The following TMEM8B variants were observed in gnomAD, a reference collection of about 807,000 sequenced individuals.
TMEM8B encodes the protein transmembrane protein 8B, also known as nasopharyngeal carcinoma expressed 6.
TMEM8B carries 29 observed loss-of-function variants against 49.3 expected under a neutral mutation model. That is an observed-to-expected ratio of 0.59 (90% CI 0.44 to 0.80). The LOEUF (loss-of-function observed/expected upper bound fraction) is 0.80. Among genes scored for constraint, TMEM8B ranks in the 30% least tolerant of loss-of-function variants. The pLI is 0.00. For synonymous variants in TMEM8B, 264 were observed against 272.8 expected, an observed-to-expected ratio of 0.97 and a Z score of 0.32; for missense variants, 575 against 658.5, an observed-to-expected ratio of 0.87 and a Z score of 1.39.
chr9:35,854,004 T>C lies in TMEM8B; in HGVS notation c.*164T>C. On this transcript the variant is annotated 3_prime_UTR_variant, in exon 13 of 13. Coordinates refer to ENST00000643932, the MANE Select transcript of TMEM8B (RefSeq NM_001042590.4). ...GGGACCTGGAGCCCTTCCCAGGACATGGAGAACTTCCTGAGGGCCTGGAGT... is the reference window on the plus strand; with the variant it reads ...GGGACCTGGAGCCCTTCCCAGGACACGGAGAACTTCCTGAGGGCCTGGAGT... 1 of 1,343,582 alleles carries C rather than the reference T, an allele frequency of 7.4e-7. No individual in the cohort carries two copies. Among genetic ancestry groups the C allele is most frequent in the South Asian group, 2.3e-5 (1 of 43,852 alleles). 83.2% of individuals were successfully genotyped at this position (1,343,582 alleles called of 1,614,324 possible). A position where few individuals can be genotyped will look rare whatever the true frequency, so the allele number is the denominator to read the frequency against.
rs1832611659 is a variant in TMEM8B at position 35,859,442 on chromosome 9, T to G, written c.*5602T>G. The stretch of plus-strand genomic sequence containing the variant: ...TGTCCCCACAGGCCAGTTTTAGCAC[T>G]GCCAAGATCTCATAGAAGTAGTTGA... On this transcript the variant is annotated 3_prime_UTR_variant, in exon 13 of 13. Transcript: ENST00000643932. 6.5e-6 allele frequency: 1 copy of G among 153,120 alleles called. No homozygotes were observed. Among genetic ancestry groups the G allele is most frequent in the African/African-American group, 2.4e-5 (1 of 41,440 alleles). 9.5% of individuals were successfully genotyped at this position (153,120 alleles called of 1,614,324 possible).
Position 35,846,716 on chromosome 9 carries a change from C to T in TMEM8B, c.1997-101C>T, listed in dbSNP as rs534995784. The T allele has an allele frequency of 1.4e-4, 214 of 1,541,170 alleles. 1 individual carries two copies. The African/African-American group carries it at 2.6e-3, about 19-fold the overall frequency. On this transcript the variant is annotated intron_variant, in intron 9 of 12. Transcript: ENST00000643932. ...GGGAGTGCGCAGCCTGAATTGGGGA[C>T]GGGTTTGGCAGAGCCGGGGTGAGAC...
Position 35,854,029 on chromosome 9 carries a change from T to TC in TMEM8B, c.*194dup. ...TGGAGAACTTCCTGAGGGCCTGGAG[T>TC]CCCCCTGCATCATGGAGTCCTTCTT... On this transcript the variant is annotated 3_prime_UTR_variant, in exon 13 of 13. Transcript: ENST00000643932. The TC allele has an allele frequency of 7.6e-7, 1 of 1,317,840 alleles. No individual in the cohort carries two copies. 81.6% of individuals were successfully genotyped at this position (1,317,840 alleles called of 1,614,324 possible).
At chr9:35,832,143 C>T (rs1402298074) in intron 1 of TMEM8B, among the ~76,000 whole-genome samples, 1 of 150,992 alleles carries the variant, frequency 6.6e-6, no homozygotes, top group African/African-American at 2.4e-5. Flanking sequence ...CAGGGCCAGC[C>T]TCAGCCTATG....
In TMEM8B at chr9:35,856,530, G is replaced by T. The variant is rs1426654765; in HGVS notation, c.*2690G>T. On this transcript the variant is annotated 3_prime_UTR_variant, in exon 13 of 13. Coordinates refer to ENST00000643932, the MANE Select transcript of TMEM8B (RefSeq NM_001042590.4). ...GCCATTGGAGAGATTAAGCAGGAGAGGAACATCAGATTGGGGTTTTGATGG... is the reference window on the plus strand; with the variant it reads ...GCCATTGGAGAGATTAAGCAGGAGATGAACATCAGATTGGGGTTTTGATGG... 6.6e-6 allele frequency: 1 copy of T among 152,266 alleles called. No homozygotes were observed. Among genetic ancestry groups the T allele is most frequent in the Non-Finnish European group, 1.5e-5 (1 of 68,090 alleles). 9.4% of individuals were successfully genotyped at this position (152,266 alleles called of 1,614,324 possible). A position where few individuals can be genotyped will look rare whatever the true frequency, so the allele number is the denominator to read the frequency against.
At chr9:35,836,164 A>G (rs1021452830) in intron 3 of TMEM8B, among the ~76,000 whole-genome samples, 2 of 152,172 alleles carry the variant, frequency 1.3e-5, no homozygotes, top group South Asian at 4.1e-4. Context: ...TGGCACTGCT[A>G]TTGTCAGAGA....
chr9:35,846,780 T>C (rs1249095704), intron 9 of TMEM8B, 37 bp from the exon 10 acceptor site: 2 of 1,590,050 alleles, frequency 1.3e-6, no homozygotes, highest in Non-Finnish European at 1.7e-6. Context: ...ATAGCTGCCG[T>C]CTGTTCTCTT....
At chr9:35,840,656 G>A (rs1830884999) in intron 3 of TMEM8B, among the ~76,000 whole-genome samples, 1 of 152,132 alleles carries the variant, frequency 6.6e-6, no homozygotes, top group Non-Finnish European at 1.5e-5. Context: ...GAAATTAAAG[G>A]TTGAGATTGG....
chr9:35,832,758 G>A (rs769688403), intron 1 of TMEM8B, among the ~76,000 whole-genome samples: 4 of 152,104 alleles, frequency 2.6e-5, no homozygotes, highest in Non-Finnish European at 4.4e-5. Flanking sequence ...CAGAAGGTGC[G>A]CTAGAGTTCT....
chr9:35,845,959 T>C lies in TMEM8B; in HGVS notation c.1636-16T>C, dbSNP rs751761831. On this transcript the variant is annotated splice_polypyrimidine_tract_variant and intron_variant, in intron 6 of 12. Coordinates refer to ENST00000643932, the MANE Select transcript of TMEM8B (RefSeq NM_001042590.4). ...GGAGGATGTGGCGGCCTCACTTCCA[T>C]ACCTGCCCTCCCCAGAGCTCCGTGC... 1.9e-6 allele frequency: 3 copies of C among 1,613,626 alleles called. No homozygotes were observed. In the East Asian group the frequency reaches 6.7e-5, roughly 36 times the overall value.
chr9:35,848,442 A>G (rs769140614), intron 10 of TMEM8B, among the ~76,000 whole-genome samples: 1 of 152,202 alleles, frequency 6.6e-6, no homozygotes, highest in East Asian at 1.9e-4. Context: ...ATAATTAGTA[A>G]GAATACCTAA....
chr9:35,832,171 GTGTGT>G (rs1829976517), intron 1 of TMEM8B, among the ~76,000 whole-genome samples: 2 of 89,376 alleles, frequency 2.2e-5, no homozygotes, highest in Non-Finnish European at 4.6e-5. Flanking sequence ...GTGTAGGGGT[GTGTGT>G]GTGTGTGTGT....
At position 35,858,681 on chromosome 9, in the gene TMEM8B, T is replaced by C. The variant is rs1588197894; in HGVS notation, c.*4841T>C. ...ATCCAGACACACGATAGTGTGCTTT[T>C]CCCCCTTAACAATAGGTGTGGTCCT... On this transcript the variant is annotated 3_prime_UTR_variant, in exon 13 of 13. Coordinates refer to ENST00000643932, the MANE Select transcript of TMEM8B (RefSeq NM_001042590.4). 2.0e-5 allele frequency: 3 copies of C among 152,360 alleles called. No homozygotes were observed. Among genetic ancestry groups the C allele is most frequent in the African/African-American group, 7.2e-5 (3 of 41,568 alleles). The allele number at this position is 152,360 out of a possible 1,614,324, so 9.4% of individuals were successfully genotyped here. A position where few individuals can be genotyped will look rare whatever the true frequency, so the allele number is the denominator to read the frequency against.
chr9:35,843,771 CT>C lies in TMEM8B; in HGVS notation c.1635+1063del, dbSNP rs111803498. The stretch of plus-strand genomic sequence containing the variant: ...ATCTCCCTAATGCAACTGTTTAACC[CT>C]TTTTTTTTGAGACGGAGTCTCACTC... On this transcript the variant is annotated intron_variant, in intron 6 of 12. Coordinates refer to ENST00000643932, the MANE Select transcript of TMEM8B (RefSeq NM_001042590.4). Among the ~76,000 whole-genome samples, 10 of 151,324 alleles carry C rather than the reference CT, an allele frequency of 6.6e-5. No individual in the cohort carries two copies. The East Asian group carries it at 7.7e-4, about 12-fold the overall frequency.
At chr9:35,843,408 C>T (rs137944700) in intron 6 of TMEM8B, among the ~76,000 whole-genome samples, 1 of 152,338 alleles carries the variant, frequency 6.6e-6, no homozygotes, top group East Asian at 1.9e-4. Context: ...TGAAGAACCT[C>T]AGTGTCTTAG....
At position 35,845,956 on chromosome 9, in the gene TMEM8B, C is replaced by A. The variant is rs1409943437; in HGVS notation, c.1636-19C>A. On this transcript the variant is annotated intron_variant, in intron 6 of 12. Coordinates refer to ENST00000643932, the MANE Select transcript of TMEM8B (RefSeq NM_001042590.4). ...GATGGAGGATGTGGCGGCCTCACTTCCATACCTGCCCTCCCCAGAGCTCCG... is the reference window on the plus strand; with the variant it reads ...GATGGAGGATGTGGCGGCCTCACTTACATACCTGCCCTCCCCAGAGCTCCG... 1 of 1,613,558 alleles carries A rather than the reference C, an allele frequency of 6.2e-7. No homozygotes were observed. Among genetic ancestry groups the A allele is most frequent in the South Asian group, 1.1e-5 (1 of 91,064 alleles).
chr9:35,841,083 G>A lies in TMEM8B; in HGVS notation c.907-51G>A. 1 of 414,694 alleles carries A rather than the reference G, an allele frequency of 2.4e-6. No individual in the cohort carries two copies. Among genetic ancestry groups the A allele is most frequent in the Admixed American group, 4.4e-5 (1 of 22,750 alleles). 25.7% of individuals were successfully genotyped at this position (414,694 alleles called of 1,614,324 possible). ...AGCAGGTTCTGTTTGCCTTGGTTTA[G>A]TCACACCCCTGCTGTCTCTCCCTCT... On this transcript the variant is annotated intron_variant, in intron 3 of 12. Coordinates refer to ENST00000643932, the MANE Select transcript of TMEM8B (RefSeq NM_001042590.4). This position sits in a 1 kb window ranked among gnomAD's most constrained non-coding sequence, Gnocchi z 5.9.
chr9:35,836,646 G>A (rs1830471984), intron 3 of TMEM8B, among the ~76,000 whole-genome samples: 1 of 152,032 alleles, frequency 6.6e-6, no homozygotes, highest in South Asian at 2.1e-4. Context: ...GAGAAAAGCT[G>A]CTCAGACCCT....
At chr9:35,851,048 A>G (rs1265594579) in intron 10 of TMEM8B, among the ~76,000 whole-genome samples, 1 of 152,264 alleles carries the variant, frequency 6.6e-6, no homozygotes, top group Non-Finnish European at 1.5e-5. Flanking sequence ...GAATCAGCAC[A>G]TACAAATAGT....
Sources: allele counts gnomAD v4.1 joint callset (sites outside exome capture counted in the v4.1 genomes callset), GRCh38; gene constraint gnomAD v4.1.1; non-coding constraint Gnocchi (gnomAD v3.1); transcripts MANE v1.5; gene names NCBI Gene and HGNC (gene_info 2026-07-23, HGNC 2026-07-21).